Variants in EYS observed in about 807,000 individuals in gnomAD.
EYS encodes protein eyes shut homolog.
In EYS, 250 loss-of-function variants were observed where a neutral mutation model predicts 282.1. The ratio of observed to expected loss-of-function variants is 0.89; its 90% CI spans 0.80 to 0.98. EYS has a LOEUF of 0.98. Ranked by LOEUF, EYS falls within the 50% of genes least tolerant of loss-of-function variation. EYS has a pLI of 0.00. For synonymous variants in EYS, 1,355 were observed against 1,282.9 expected (o/e 1.06, Z -1.20); for missense variants, 4,016 against 3,709.0 (o/e 1.08, Z -2.15).
intron 22 of EYS, among the ~76,000 whole-genome samples, chr6:64,679,622 T>A (rs1028753990): frequency 1.3e-5 from 2 of 152,204 alleles, no homozygotes; most frequent in Non-Finnish European, 2.9e-5. Context: ...TCCCTTGATA[T>A]GATTAAATAA....
intron 31 of EYS, among the ~76,000 whole-genome samples, chr6:64,230,188 TATG>T (rs1766378395): frequency 6.6e-6 from 1 of 152,170 alleles, no homozygotes; most frequent in Admixed American, 6.6e-5. Flanking sequence ...TAAATTCAAA[TATG>T]AGGATTTGCA....
intron 28 of EYS, among the ~76,000 whole-genome samples, chr6:64,393,224 C>G (rs1419849673): frequency 6.6e-6 from 1 of 152,238 alleles, no homozygotes; most frequent in Non-Finnish European, 1.5e-5. Flanking sequence ...TGGTACCATT[C>G]CTTCTGAAAC....
chr6:65,487,775 T>C (rs35442381), intron 5 of EYS, among the ~76,000 whole-genome samples: 4 of 152,094 alleles, frequency 2.6e-5, no homozygotes, highest in African/African-American at 9.7e-5. Context: ...GTACTTATGG[T>C]AGAATTTGGC....
chr6:65,233,057 G>T (rs1766826494), intron 12 of EYS, among the ~76,000 whole-genome samples: 1 of 151,964 alleles, frequency 6.6e-6, no homozygotes. Context: ...TTCTCCATTT[G>T]ATATGAAATT....
At chr6:65,143,364 G>C (rs60216157) in intron 12 of EYS, among the ~76,000 whole-genome samples, 38,977 of 151,438 alleles carry the variant, frequency 0.26, 5,353 homozygotes, top group African/African-American at 0.35. Context: ...CAAAACAGTG[G>C]TCATCAATGG....
intron 22 of EYS, among the ~76,000 whole-genome samples, chr6:64,660,162 A>G (rs1259958830): frequency 1.3e-5 from 2 of 152,216 alleles, no homozygotes; most frequent in Admixed American, 6.5e-5. Context: ...TAGATGCAGA[A>G]AAGGCCTTTG....
intron 12 of EYS, among the ~76,000 whole-genome samples, chr6:65,196,448 T>C (rs1436860347): frequency 6.6e-6 from 1 of 152,098 alleles, no homozygotes; most frequent in Admixed American, 6.6e-5. Flanking sequence ...GATTCACTTA[T>C]TTACTCAACA....
intron 40 of EYS, among the ~76,000 whole-genome samples, chr6:63,774,664 C>A (rs1770019514): frequency 6.6e-6 from 1 of 151,954 alleles, no homozygotes; most frequent in Non-Finnish European, 1.5e-5. Context: ...TTGAGCCATT[C>A]CACAATGTAT....
intron 31 of EYS, among the ~76,000 whole-genome samples, chr6:64,086,674 T>A (rs1365939156): frequency 2.6e-5 from 4 of 152,306 alleles, no homozygotes; most frequent in African/African-American, 7.2e-5. Context: ...TCCGCAACTT[T>A]TTTAGTCTAT....
intron 12 of EYS, among the ~76,000 whole-genome samples, chr6:65,212,947 C>T (rs1436533068): frequency 6.6e-6 from 1 of 151,664 alleles, no homozygotes; most frequent in Admixed American, 6.6e-5. Flanking sequence ...GTAAATGGGG[C>T]TTATATTTTA....
At chr6:65,071,379 A>C (rs1166469222) in intron 12 of EYS, among the ~76,000 whole-genome samples, 3 of 151,872 alleles carry the variant, frequency 2.0e-5, no homozygotes, top group Non-Finnish European at 4.4e-5. Flanking sequence ...ATACATTGGC[A>C]TATATCTAAA....
intron 14 of EYS, among the ~76,000 whole-genome samples, chr6:64,990,446 A>G (rs1314853221): frequency 6.6e-6 from 1 of 151,666 alleles, no homozygotes; most frequent in East Asian, 1.9e-4. Flanking sequence ...TAAATATCAC[A>G]AATAATAACG....
At chr6:63,837,281 G>T (rs1027570377) in intron 36 of EYS, among the ~76,000 whole-genome samples, 3 of 152,044 alleles carry the variant, frequency 2.0e-5, no homozygotes, top group Non-Finnish European at 4.4e-5. Context: ...AAAACAGTTT[G>T]CAAATTGATG....
chr6:65,490,514 AT>A, intron 5 of EYS, 79 bp downstream of exon 5: 1 of 812,268 alleles, frequency 1.2e-6, no homozygotes, highest in Non-Finnish European at 2.1e-6. Flanking sequence ...AATAAAGGAA[AT>A]ATTTCACATT....
chr6:65,533,928 C>A (rs1001443733), intron 2 of EYS, among the ~76,000 whole-genome samples: 1 of 152,076 alleles, frequency 6.6e-6, no homozygotes, highest in African/African-American at 2.4e-5. Flanking sequence ...ACAGATCAAT[C>A]TCAACTCATT....
At chr6:64,233,317 CTT>C (rs1304356675) in intron 30 of EYS, among the ~76,000 whole-genome samples, 2 of 151,998 alleles carry the variant, frequency 1.3e-5, no homozygotes, top group East Asian at 3.9e-4. Context: ...AATTAATAGT[CTT>C]TGGCTTTCAG....
intron 26 of EYS, among the ~76,000 whole-genome samples, chr6:64,502,158 T>C (rs767431850): frequency 1.3e-5 from 2 of 152,168 alleles, no homozygotes; most frequent in Non-Finnish European, 2.9e-5. Context: ...TGAGGGTGGG[T>C]ATACAAGAAA....
intron 36 of EYS, among the ~76,000 whole-genome samples, chr6:63,837,499 A>T (rs1366265094): frequency 6.6e-6 from 1 of 152,134 alleles, no homozygotes; most frequent in African/African-American, 2.4e-5. Flanking sequence ...TTAATTCATA[A>T]GTGATTGCAA....
chr6:65,275,727 T>C (rs1347461801), intron 12 of EYS, among the ~76,000 whole-genome samples: 1 of 152,126 alleles, frequency 6.6e-6, no homozygotes, highest in Non-Finnish European at 1.5e-5. Flanking sequence ...GGGAAAGAAG[T>C]TTGTAGATAG....
Sources: gnomAD v4.1 joint callset for allele counts (sites outside exome capture counted in the v4.1 genomes callset) on GRCh38, gnomAD v4.1.1 for gene constraint, MANE v1.5 for transcripts, NCBI Gene and HGNC (gene_info 2026-07-23, HGNC 2026-07-21) for gene names.